UBN1: variants seen among roughly 807,000 people sequenced by gnomAD.
UBN1 encodes the protein ubinuclein 1.
UBN1 carries 17 observed loss-of-function variants against 108.5 expected under a neutral mutation model. The ratio of observed to expected loss-of-function variants is 0.16; its 90% CI spans 0.11 to 0.24. The LOEUF (loss-of-function observed/expected upper bound fraction) is 0.24. Ranked by LOEUF, UBN1 falls within the 10% of genes least tolerant of loss-of-function variation. The pLI is 1.00. For missense variants in UBN1, 1,595 were observed against 1,394.4 expected, an observed-to-expected ratio of 1.14 and a Z score of -2.29; for synonymous variants, 726 against 564.2, an observed-to-expected ratio of 1.29 and a Z score of -4.07.
In UBN1 at chr16:4,860,754, A is replaced by G. The variant is rs1333706104; in HGVS notation, c.762A>G (p.Lys254=). The part of the protein sequence containing the change: ...SVKEMLKKFQ[K]EKEAQKKREE... ...AAGAGATGCTAAAGAAATTTCAGAA[A>G]GAGAAAGAGGCTCAGAAAAAAAGGG... The change falls in exon 7 of 18, where the codon AAA becomes AAG. Residue 254 remains lysine (K), a synonymous_variant. Transcript: ENST00000262376. 3 of 1,614,296 alleles carry G rather than the reference A, an allele frequency of 1.9e-6. No individual in the cohort carries two copies. The highest frequency in any genetic ancestry group is 4.5e-5 in the East Asian group (2 of 44,890).
At chr16:4,858,738 G>A in intron 4 of UBN1, 75 bp downstream of exon 4, 1 of 1,471,096 alleles carries the variant, frequency 6.8e-7, no homozygotes, top group South Asian at 1.2e-5. Context: ...AGGAAGCTGG[G>A]GGTGGGGTCA....
chr16:4,866,285 C>A (rs77024223), intron 7 of UBN1, among the ~76,000 whole-genome samples: 5,411 of 152,214 alleles, frequency 0.036, 106 homozygotes, highest in Middle Eastern at 0.054. Context: ...GTGGATTTCA[C>A]CCCTCTGGGC....
intron 5 of UBN1, among the ~76,000 whole-genome samples, chr16:4,859,646 A>G (rs1176992529): frequency 6.6e-6 from 1 of 152,180 alleles, no homozygotes; most frequent in Admixed American, 6.5e-5. Flanking sequence ...CAGGCTCCAG[A>G]ATGGTCACTG....
chr16:4,857,247 G>A (rs2086857192), intron 2 of UBN1, among the ~76,000 whole-genome samples: 1 of 151,662 alleles, frequency 6.6e-6, no homozygotes, highest in African/African-American at 2.4e-5. Flanking sequence ...CTATTCAGGA[G>A]GCTGAGGCAG....
chr16:4,858,267 A>G (rs1014660653), intron 3 of UBN1, among the ~76,000 whole-genome samples, 191 bp downstream of exon 3: 1 of 152,264 alleles, frequency 6.6e-6, no homozygotes, highest in Admixed American at 6.5e-5. Context: ...GCTAGTGTGA[A>G]GAGCTAACTG....
At chr16:4,856,472 CTG>C (rs1567894138) in intron 2 of UBN1, among the ~76,000 whole-genome samples, 1 of 152,248 alleles carries the variant, frequency 6.6e-6, no homozygotes, top group African/African-American at 2.4e-5. Context: ...AGAGAAAACA[CTG>C]TACCAGCCTC....
At chr16:4,867,023 C>T (rs1026520516) in intron 7 of UBN1, among the ~76,000 whole-genome samples, 1 of 152,152 alleles carries the variant, frequency 6.6e-6, no homozygotes, top group Non-Finnish European at 1.5e-5. Context: ...GGGGAAGATG[C>T]CCTAAGAGAA....
rs1241845444 is a variant in UBN1 at position 4,877,664 on chromosome 16, G to T, written c.3355+190G>T. Reference sequence around the variant, plus strand: ...ACTTCTACTCTTGGGGTTTCCTCTGGTCCCCACTTGGAGCTGCCGCCAGGT... The same window carrying T: ...ACTTCTACTCTTGGGGTTTCCTCTGTTCCCCACTTGGAGCTGCCGCCAGGT... On this transcript the variant is annotated intron_variant, in intron 17 of 17. Transcript: ENST00000262376. The surrounding 1 kb of genome is among the most constrained non-coding windows in gnomAD (Gnocchi z 4.3). 3.1e-6 allele frequency: 4 copies of T among 1,288,426 alleles called. No individual in the cohort carries two copies. The highest frequency in any genetic ancestry group is 7.9e-5 in the Admixed American group (2 of 25,220). 79.8% of individuals were successfully genotyped at this position (1,288,426 alleles called of 1,614,324 possible). A position where few individuals can be genotyped will look rare whatever the true frequency, so the allele number is the denominator to read the frequency against.
At chr16:4,870,078 A>G in intron 8 of UBN1, 134 bp from the exon 9 acceptor site, 4 of 1,304,638 alleles carry the variant, frequency 3.1e-6, no homozygotes, top group Non-Finnish European at 3.2e-6. Context: ...TTGGGCATTC[A>G]GTTACATTGT....
chr16:4,861,116 G>T lies in UBN1; in HGVS notation c.1110+14G>T. On this transcript the variant is annotated intron_variant, in intron 7 of 17. Transcript: ENST00000262376. ...GAGCTGGCTCAGGTATGGTGGCACA[G>T]TGCGGCTGGGCTTTCCTGGAAGCAG... 1 of 1,602,816 alleles carries T rather than the reference G, an allele frequency of 6.2e-7. No individual in the cohort carries two copies.
intron 7 of UBN1, 143 bp from the exon 8 acceptor site, chr16:4,868,690 G>T: frequency 1.4e-6 from 1 of 694,240 alleles, no homozygotes; most frequent in South Asian, 2.0e-5. Context: ...CTTAACCTGG[G>T]ACTAGGGTGG....
At chr16:4,872,765 G>C in intron 12 of UBN1, 119 bp from the exon 13 acceptor site, 8 of 1,210,412 alleles carry the variant, frequency 6.6e-6, no homozygotes, top group Middle Eastern at 2.6e-4. Context: ...CACTGCGCCT[G>C]GCCAGTTGAC....
At chr16:4,855,123 A>G (rs9923349) in intron 2 of UBN1, among the ~76,000 whole-genome samples, 85,382 of 151,416 alleles carry the variant, frequency 0.56, 25,585 homozygotes, top group African/African-American at 0.77. Context: ...GGTCTCTAGC[A>G]TGTCTCTTAG....
chr16:4,872,200 C>T (rs12446456), intron 12 of UBN1: 424,836 of 984,192 alleles, frequency 0.43, 92,227 homozygotes, highest in South Asian at 0.54. Flanking sequence ...TGGACTCATA[C>T]GAAGAACGTT....
At chr16:4,879,580 T>A (rs1388708932) in intron 17 of UBN1, among the ~76,000 whole-genome samples, 1 of 152,276 alleles carries the variant, frequency 6.6e-6, no homozygotes, top group Non-Finnish European at 1.5e-5. Context: ...GCTTATAGGA[T>A]GACACGAGAT....
chr16:4,871,415 A>T (rs573891587), intron 12 of UBN1, 114 bp downstream of exon 12: 149 of 1,438,656 alleles, frequency 1.0e-4, no homozygotes, highest in Non-Finnish European at 1.0e-4. Flanking sequence ...TAGCTGCCTC[A>T]ACTCTGATCT....
At position 4,872,873 on chromosome 16, in the gene UBN1, G is replaced by C. The variant is rs2087713587; in HGVS notation, c.1707-11G>C. On this transcript the variant is annotated splice_polypyrimidine_tract_variant and intron_variant, in intron 12 of 17. Transcript: ENST00000262376. ...GGCATGTACAGATGCCTGGTGTTCT[G>C]TGTCTTTCAGAACTCTGTTTAAGGA... is the stretch of plus-strand genomic sequence containing the variant. 7 of 1,614,204 alleles carry C rather than the reference G, an allele frequency of 4.3e-6. No individual in the cohort carries two copies. In the East Asian group the frequency reaches 1.1e-4, roughly 26 times the overall value.
intron 2 of UBN1, 114 bp from the exon 3 acceptor site, chr16:4,857,876 C>G (rs1354114850): frequency 1.3e-6 from 1 of 749,902 alleles, no homozygotes; most frequent in African/African-American, 1.8e-5. Flanking sequence ...TCTACCTTGC[C>G]CTTTTCTGGA....
At chr16:4,862,941 A>G (rs1356342215) in intron 7 of UBN1, among the ~76,000 whole-genome samples, 2 of 152,196 alleles carry the variant, frequency 1.3e-5, no homozygotes, top group Non-Finnish European at 2.9e-5. Context: ...CCCAGTGGGG[A>G]GCTGGTGACC....
Sources: allele counts gnomAD v4.1 joint callset (sites outside exome capture counted in the v4.1 genomes callset), GRCh38; gene constraint gnomAD v4.1.1; non-coding constraint Gnocchi (gnomAD v3.1); transcripts MANE v1.5; gene names NCBI Gene and HGNC (gene_info 2026-07-23, HGNC 2026-07-21).